Variants in UVRAG observed in about 807,000 individuals in gnomAD.
UVRAG encodes UV radiation resistance associated.
In UVRAG, 19 loss-of-function variants were observed where a neutral mutation model predicts 78.0. The observed-to-expected ratio is 0.24, with a 90% CI of 0.17 to 0.36. The LOEUF (loss-of-function observed/expected upper bound fraction) is 0.36, where lower values mean the gene tolerates loss of function less well. Ranked by LOEUF, UVRAG falls within the 10% of genes least tolerant of loss-of-function variation. The pLI, the probability that UVRAG is intolerant of heterozygous loss-of-function variation, is 1.00. For missense variants in UVRAG, 740 were observed against 853.8 expected (o/e 0.87, Z 1.66); for synonymous variants, 323 against 324.6 (o/e 1.00, Z 0.05).
At chr11:76,027,771 G>T (rs1950355720) in intron 12 of UVRAG, among the ~76,000 whole-genome samples, 1 of 152,090 alleles carries the variant, frequency 6.6e-6, no homozygotes, top group Admixed American at 6.6e-5. Context: ...GCCTAATAAA[G>T]GGCAAGGAAT....
In UVRAG at chr11:75,929,388, A is replaced by G. The variant is rs535387854; in HGVS notation, c.593+17349A>G. On this transcript the variant is annotated intron_variant, in intron 6 of 14. Coordinates refer to ENST00000356136, the MANE Select transcript of UVRAG (RefSeq NM_003369.4). ...TGTCAGTTTGAATGGGGAGCTATGC[A>G]CAGAATAAACAGTAGCGGAATGAAA... is the stretch of plus-strand genomic sequence containing the variant. Among the ~76,000 whole-genome samples the G allele has an allele frequency of 4.5e-4, 69 of 152,312 alleles. 1 individual carries two copies. Among genetic ancestry groups the G allele is most frequent in the African/African-American group, 1.5e-3 (64 of 41,572 alleles).
At chr11:75,856,495 G>T (rs1946296259) in intron 2 of UVRAG, among the ~76,000 whole-genome samples, 1 of 151,780 alleles carries the variant, frequency 6.6e-6, no homozygotes. Flanking sequence ...CTGTCAACCA[G>T]GCTGGAGTGC....
At chr11:75,862,835 AGCACGG>A (rs1946452235) in intron 3 of UVRAG, among the ~76,000 whole-genome samples, 3 of 152,234 alleles carry the variant, frequency 2.0e-5, no homozygotes, top group African/African-American at 7.2e-5. Context: ...GTTCCATGAA[AGCACGG>A]GCCCTGCCAA....
chr11:76,020,181 G>C (rs540076536), intron 12 of UVRAG, among the ~76,000 whole-genome samples: 1 of 152,186 alleles, frequency 6.6e-6, no homozygotes, highest in South Asian at 2.1e-4. Flanking sequence ...GGGCTCTTCA[G>C]TTAGCTTGTG....
At chr11:75,983,250 T>G in intron 7 of UVRAG, 137 bp from the exon 8 acceptor site, 1 of 708,158 alleles carries the variant, frequency 1.4e-6, no homozygotes, top group Non-Finnish European at 2.2e-6. Context: ...GGTAATTAAG[T>G]TACTCAAGAG....
At chr11:75,956,818 G>A (rs528213149) in intron 6 of UVRAG, among the ~76,000 whole-genome samples, 10 of 152,084 alleles carry the variant, frequency 6.6e-5, no homozygotes, top group Admixed American at 2.6e-4. Context: ...TTTAATATGC[G>A]TTTCCCTGAT....
Position 76,008,899 on chromosome 11 carries a change from T to C in UVRAG, c.1060+32T>C, listed in dbSNP as rs760383138. 61 of 1,157,516 alleles carry C rather than the reference T, an allele frequency of 5.3e-5. No homozygotes were observed. In the African/African-American group the frequency reaches 7.8e-4, roughly 15 times the overall value. The allele number at this position is 1,157,516 out of a possible 1,614,324, so 71.7% of individuals were successfully genotyped here. On this transcript the variant is annotated intron_variant, in intron 11 of 14. Coordinates refer to ENST00000356136, the MANE Select transcript of UVRAG (RefSeq NM_003369.4). Reference sequence around the variant, plus strand: ...TATTTTTTATTTTGAAGATTTGTTATATATTAATATATGGAAATAGAATAT... The same window carrying C: ...TATTTTTTATTTTGAAGATTTGTTACATATTAATATATGGAAATAGAATAT...
intron 7 of UVRAG, among the ~76,000 whole-genome samples, 186 bp from the exon 8 acceptor site, chr11:75,983,201 T>C (rs1387986786): frequency 1.3e-5 from 2 of 152,194 alleles, no homozygotes; most frequent in East Asian, 3.9e-4. Flanking sequence ...TCTTATTCTT[T>C]GCTTATTTCT....
intron 14 of UVRAG, among the ~76,000 whole-genome samples, chr11:76,135,764 G>T (rs1952588222): frequency 6.6e-6 from 1 of 152,204 alleles, no homozygotes; most frequent in Non-Finnish European, 1.5e-5. Context: ...ACTCGGTCCA[G>T]TTGCTTGAAC....
intron 4 of UVRAG, among the ~76,000 whole-genome samples, chr11:75,883,661 A>T (rs1371093939): frequency 6.6e-6 from 1 of 152,168 alleles, no homozygotes; most frequent in Non-Finnish European, 1.5e-5. Flanking sequence ...AGGTTCTTAG[A>T]CCCGGTGTAC....
chr11:75,939,134 C>A (rs1240992375), intron 6 of UVRAG, among the ~76,000 whole-genome samples: 1 of 151,798 alleles, frequency 6.6e-6, no homozygotes, highest in Non-Finnish European at 1.5e-5. Flanking sequence ...AATGCAGTCT[C>A]TGTCACTCTA....
chr11:75,863,941 T>C (rs1307482323), intron 3 of UVRAG, among the ~76,000 whole-genome samples: 1 of 152,220 alleles, frequency 6.6e-6, no homozygotes, highest in Non-Finnish European at 1.5e-5. Context: ...CCTAGTGTAT[T>C]TCTATTGGGT....
intron 3 of UVRAG, among the ~76,000 whole-genome samples, chr11:75,878,911 G>C (rs1247582990): frequency 3.4e-5 from 5 of 148,838 alleles, no homozygotes; most frequent in Non-Finnish European, 7.5e-5. Context: ...GGGAGGGGGA[G>C]GGGGAGGGAG....
intron 6 of UVRAG, among the ~76,000 whole-genome samples, chr11:75,941,853 T>C (rs1948490477): frequency 6.6e-6 from 1 of 152,116 alleles, no homozygotes; most frequent in South Asian, 2.1e-4. Flanking sequence ...GCATTGGCTC[T>C]CTTATGATCA....
chr11:76,016,369 A>G (rs532689991), intron 11 of UVRAG, among the ~76,000 whole-genome samples: 8 of 152,196 alleles, frequency 5.3e-5, no homozygotes, highest in Non-Finnish European at 8.8e-5. Context: ...TAGAATTAAT[A>G]ATGTTGTAAA....
At chr11:76,007,510 A>G in intron 9 of UVRAG, 24 bp from the exon 10 acceptor site, 1 of 1,544,798 alleles carries the variant, frequency 6.5e-7, no homozygotes, top group Non-Finnish European at 8.9e-7. Flanking sequence ...TTTTTAATAA[A>G]TGTATTTTTT....
intron 13 of UVRAG, among the ~76,000 whole-genome samples, chr11:76,080,980 TA>T (rs1397879909): frequency 6.6e-6 from 1 of 152,236 alleles, no homozygotes; most frequent in East Asian, 1.9e-4. Context: ...AATTCCGTTG[TA>T]AAACGTAATG....
intron 7 of UVRAG, among the ~76,000 whole-genome samples, chr11:75,965,183 T>C (rs1192285282): frequency 1.3e-5 from 2 of 152,230 alleles, no homozygotes. Context: ...TTGTGGAGAA[T>C]TGCTATCTTA....
chr11:76,116,623 T>C (rs1213207120), intron 14 of UVRAG, among the ~76,000 whole-genome samples: 1 of 152,224 alleles, frequency 6.6e-6, no homozygotes, highest in African/African-American at 2.4e-5. Flanking sequence ...ATTAGATTCA[T>C]TCACTTGACC....
Sources: allele counts gnomAD v4.1 joint callset (sites outside exome capture counted in the v4.1 genomes callset), GRCh38; gene constraint gnomAD v4.1.1; transcripts MANE v1.5; gene names NCBI Gene and HGNC (gene_info 2026-07-23, HGNC 2026-07-21).